Variants in IFT80 observed in about 807,000 individuals in gnomAD.
IFT80 encodes intraflagellar transport 80.
Under a neutral mutation model 107.9 loss-of-function variants are expected in IFT80, and 79 were observed. The ratio of observed to expected loss-of-function variants is 0.73; its 90% confidence interval spans 0.61 to 0.88. The LOEUF is 0.88. Ranked by LOEUF, IFT80 falls within the 40% of genes least tolerant of loss-of-function variation. The probability of loss-of-function intolerance (pLI) is 0.00; values close to 1 mark genes in which losing one functional copy is unlikely to be tolerated. For missense variants in IFT80, 797 were observed against 914.2 expected, an observed-to-expected ratio of 0.87 and a Z score of 1.65; for synonymous variants, 299 against 300.9, an observed-to-expected ratio of 0.99 and a Z score of 0.07.
At chr3:160,274,610 A>G (rs1714091215) in intron 18 of IFT80, 1 of 152,242 alleles carries the variant, frequency 6.6e-6, no homozygotes, top group South Asian at 2.1e-4. Context: ...ATATCTGCAA[A>G]TATAAATAAA....
intron 19 of IFT80, among the ~76,000 whole-genome samples, chr3:160,261,155 CCTT>C (rs1449100797): frequency 6.6e-6 from 1 of 152,094 alleles, no homozygotes; most frequent in African/African-American, 2.4e-5. Flanking sequence ...AAGCTACCAT[CCTT>C]CTTCTTCTCA....
intron 5 of IFT80, among the ~76,000 whole-genome samples, chr3:160,375,312 C>T (rs968168249): frequency 2.0e-5 from 3 of 152,106 alleles, no homozygotes; most frequent in Non-Finnish European, 4.4e-5. Context: ...AATTAAGATG[C>T]TCCTCTAAAT....
intron 9 of IFT80, among the ~76,000 whole-genome samples, chr3:160,310,080 T>G (rs1223898523): frequency 1.3e-5 from 2 of 152,134 alleles, no homozygotes; most frequent in African/African-American, 4.8e-5. Flanking sequence ...ATCAAATCAG[T>G]AGCAATGAAC....
At chr3:160,299,246 A>T (rs1716224147) in intron 12 of IFT80, 1 of 1,157,434 alleles carries the variant, frequency 8.6e-7, no homozygotes, top group Non-Finnish European at 1.1e-6. Flanking sequence ...TTAAAAAAAA[A>T]TTACCAAAAG....
chr3:160,336,707 C>G (rs1719493595), intron 8 of IFT80, among the ~76,000 whole-genome samples: 1 of 152,036 alleles, frequency 6.6e-6, no homozygotes, highest in African/African-American at 2.4e-5. Flanking sequence ...TTCACCTCAG[C>G]TCTATCATTT....
chr3:160,345,693 CAAAA>C (rs75389794), intron 8 of IFT80, among the ~76,000 whole-genome samples: 2 of 74,910 alleles, frequency 2.7e-5, no homozygotes, highest in African/African-American at 5.9e-5. Context: ...GACTCTGTCT[CAAAA>C]AAAAAAAAAA....
At chr3:160,373,772 A>T (rs548348276) in intron 5 of IFT80, 6 of 152,834 alleles carry the variant, frequency 3.9e-5, no homozygotes, top group African/African-American at 1.2e-4. Context: ...AATAGGGTTT[A>T]TGCTTCTATG....
intron 8 of IFT80, among the ~76,000 whole-genome samples, chr3:160,342,314 G>A (rs1054865068): frequency 2.6e-5 from 4 of 152,042 alleles, no homozygotes; most frequent in African/African-American, 7.2e-5. Flanking sequence ...ACATTAAAAC[G>A]AAATAAGCAA....
intron 12 of IFT80, among the ~76,000 whole-genome samples, chr3:160,295,613 A>T (rs564981543): frequency 6.6e-6 from 1 of 152,262 alleles, no homozygotes; most frequent in East Asian, 1.9e-4. Flanking sequence ...AAAAAAAGTT[A>T]AAAATAGAAC....
intron 1 of IFT80, among the ~76,000 whole-genome samples, chr3:160,387,927 G>A (rs1713067133): frequency 6.6e-6 from 1 of 152,150 alleles, no homozygotes; most frequent in Admixed American, 6.5e-5. Context: ...AAAAGAAGTG[G>A]AGATAGACAA....
chr3:160,334,957 C>T (rs2108323608), intron 8 of IFT80, among the ~76,000 whole-genome samples: 1 of 152,136 alleles, frequency 6.6e-6, no homozygotes, highest in East Asian at 1.9e-4. Flanking sequence ...AGAATGCCCA[C>T]AAGTGCTTGG....
At chr3:160,289,440 C>G (rs1403126335) in intron 12 of IFT80, among the ~76,000 whole-genome samples, 1 of 152,012 alleles carries the variant, frequency 6.6e-6, no homozygotes, top group South Asian at 2.1e-4. Flanking sequence ...GCACATGTAC[C>G]CTGAACCTAA....
At chr3:160,343,832 ATTTAT>A (rs760531849) in intron 8 of IFT80, 4 of 297,130 alleles carry the variant, frequency 1.3e-5, no homozygotes, top group African/African-American at 4.6e-5. Flanking sequence ...ACAAAACAGA[ATTTAT>A]TTTATTTATT....
At chr3:160,327,480 A>G (rs1718754167) in intron 8 of IFT80, among the ~76,000 whole-genome samples, 1 of 152,230 alleles carries the variant, frequency 6.6e-6, no homozygotes, top group African/African-American at 2.4e-5. Context: ...AAGAACAGAC[A>G]CAAAGACCAA....
intron 9 of IFT80, among the ~76,000 whole-genome samples, chr3:160,315,806 C>A (rs772056122): frequency 3.3e-5 from 5 of 152,042 alleles, no homozygotes; most frequent in Non-Finnish European, 5.9e-5. Flanking sequence ...GAGCTGGATG[C>A]AATAACCATA....
In IFT80 at chr3:160,360,144, C is replaced by T. The variant is rs530892291; in HGVS notation, c.550-2566G>A. On this transcript the variant is annotated intron_variant, in intron 6 of 19. Coordinates refer to ENST00000326448, the MANE Select transcript of IFT80 (RefSeq NM_020800.3). ...ATGAATGGCTAACTAGAATAAACAG[C>T]GTAGAGAAGACCTTAAATGACCTGA... 1.3e-4 allele frequency among the ~76,000 whole-genome samples: 20 copies of T among 152,174 alleles called. No homozygotes were observed. In the South Asian group the frequency reaches 3.9e-3, roughly 30 times the overall value.
In IFT80 at chr3:160,277,456, T is replaced by C. The variant is rs750516669; in HGVS notation, c.1949A>G (p.Asn650Ser). ...IGEIDKVQYI[N>S]SIKNLPSKES... ...TTTAGATGGAAGATTTTTTATAGAA[T>C]TGATGTACTGAACCTTATCAATCTA... Residue 650 changes from asparagine (N) to serine (S), a missense_variant, in exon 18 of 20, where the codon AAT (asparagine) becomes AGT (serine). Coordinates refer to ENST00000326448, the MANE Select transcript of IFT80 (RefSeq NM_020800.3). 4.4e-6 allele frequency: 7 copies of C among 1,608,588 alleles called. No homozygotes were observed. The highest frequency in any genetic ancestry group is 1.3e-5 in the African/African-American group (1 of 74,748).
At chr3:160,289,485 C>T (rs1052406914) in intron 12 of IFT80, among the ~76,000 whole-genome samples, 9 of 151,868 alleles carry the variant, frequency 5.9e-5, no homozygotes, top group Middle Eastern at 6.8e-3. Flanking sequence ...TTTAAAGAAA[C>T]GAGGTGAAAA....
intron 1 of IFT80, among the ~76,000 whole-genome samples, chr3:160,395,572 T>C (rs773582889): frequency 2.0e-5 from 3 of 152,222 alleles, no homozygotes; most frequent in Non-Finnish European, 4.4e-5. Context: ...AGGACTTTTA[T>C]TCAAATCAAT....
Sources: gnomAD v4.1 joint callset for allele counts (sites outside exome capture counted in the v4.1 genomes callset) on GRCh38, gnomAD v4.1.1 for gene constraint, MANE v1.5 for transcripts, NCBI Gene and HGNC (gene_info 2026-07-23, HGNC 2026-07-21) for gene names.